AHDC1: variants seen among roughly 807,000 people sequenced by gnomAD.
The protein encoded by AHDC1 is AT-hook DNA binding motif containing 1.
Under a neutral mutation model 87.9 loss-of-function variants are expected in AHDC1, and 7 were observed. The ratio of observed to expected loss-of-function variants is 0.08; its 90% CI spans 0.05 to 0.15. The LOEUF (loss-of-function observed/expected upper bound fraction) is 0.15. Ranked by LOEUF, AHDC1 falls within the 10% of genes least tolerant of loss-of-function variation. AHDC1 has a pLI of 1.00. For synonymous variants in AHDC1, 1,051 were observed against 1,006.8 expected, an observed-to-expected ratio of 1.04 and a Z score of -0.83; for missense variants, 1,841 against 2,253.2, an observed-to-expected ratio of 0.82 and a Z score of 3.70.
chr1:27,582,796 C>A lies in AHDC1; in HGVS notation c.-629+20601G>T, dbSNP rs368084769. 1.7e-3 allele frequency among the ~76,000 whole-genome samples: 263 copies of A among 152,324 alleles called. 3 individuals are homozygous for A. Among genetic ancestry groups the A allele is most frequent in the African/African-American group, 6.0e-3 (248 of 41,570 alleles). On this transcript the variant is annotated intron_variant, in intron 3 of 8. Transcript: ENST00000673934. Reference sequence around the variant, plus strand: ...TTGATGACCCTGTGTTTTGGAGATGCGATGTTCAGTTGACTTGCCCTGTTC... The same window carrying A: ...TTGATGACCCTGTGTTTTGGAGATGAGATGTTCAGTTGACTTGCCCTGTTC...
chr1:27,584,253 T>A (rs954077713), intron 3 of AHDC1, among the ~76,000 whole-genome samples: 1 of 152,156 alleles, frequency 6.6e-6, no homozygotes, highest in Non-Finnish European at 1.5e-5. Context: ...CCTTATCTGC[T>A]CTGATGCCAA....
chr1:27,538,569 C>T (rs2148199034), intron 8 of AHDC1, among the ~76,000 whole-genome samples: 1 of 151,400 alleles, frequency 6.6e-6, no homozygotes, highest in South Asian at 2.1e-4. Context: ...GGCTAGAGTG[C>T]AGTGGCACAA....
chr1:27,566,682 G>C (rs2020333053), intron 3 of AHDC1, among the ~76,000 whole-genome samples: 2 of 134,854 alleles, frequency 1.5e-5, no homozygotes, highest in Non-Finnish European at 3.2e-5. Flanking sequence ...GAGGGGGGTG[G>C]AGGAGGAGGA....
chr1:27,540,882 G>A (rs2018873506), intron 8 of AHDC1, among the ~76,000 whole-genome samples: 1 of 151,836 alleles, frequency 6.6e-6, no homozygotes, highest in Admixed American at 6.6e-5. Flanking sequence ...GAAGGAGGCT[G>A]GAGAGGGAAG....
chr1:27,537,095 G>A (rs551521865), intron 8 of AHDC1, among the ~76,000 whole-genome samples: 2 of 152,318 alleles, frequency 1.3e-5, no homozygotes, highest in Admixed American at 1.3e-4. Context: ...GAATCTTCGG[G>A]ATGGGAAGGA....
chr1:27,588,592 G>A (rs974923729), intron 3 of AHDC1, among the ~76,000 whole-genome samples: 9 of 152,152 alleles, frequency 5.9e-5, no homozygotes, highest in African/African-American at 1.4e-4. Flanking sequence ...TCTGCAGCAG[G>A]CCACACTCTT....
At chr1:27,536,111 C>T (rs2018627971) in intron 8 of AHDC1, among the ~76,000 whole-genome samples, 1 of 152,204 alleles carries the variant, frequency 6.6e-6, no homozygotes, top group African/African-American at 2.4e-5. Context: ...CTCCCCCACA[C>T]CAGCAGGAAT....
chr1:27,599,891 GTC>G (rs147481877), intron 3 of AHDC1, among the ~76,000 whole-genome samples: 15 of 151,528 alleles, frequency 9.9e-5, no homozygotes, highest in African/African-American at 3.1e-4. Context: ...TCCTGTGAGA[GTC>G]TCTCTCTCTC....
intron 8 of AHDC1, among the ~76,000 whole-genome samples, chr1:27,542,963 C>T (rs1402263131): frequency 1.3e-5 from 2 of 152,180 alleles, no homozygotes; most frequent in African/African-American, 4.8e-5. Flanking sequence ...TGGGCCCTGA[C>T]GTAAGGCCTC....
chr1:27,595,756 G>A lies in AHDC1; in HGVS notation c.-629+7641C>T, dbSNP rs370515141. Among the ~76,000 whole-genome samples the A allele has an allele frequency of 1.6e-4, 25 of 151,982 alleles. No individual in the cohort carries two copies. The highest frequency in any genetic ancestry group is 2.1e-4 in the Non-Finnish European group (14 of 67,980). ...AGAGATGTGCCACAGGCTATCGTCC[G>A]TGCATGCACAGGTATGAGGGCTGTA... On this transcript the variant is annotated intron_variant, in intron 3 of 8. Coordinates refer to ENST00000673934, the MANE Select transcript of AHDC1 (RefSeq NM_001371928.1). The surrounding 1 kb of genome is among the most constrained non-coding windows in gnomAD (Gnocchi z 4.0).
chr1:27,571,542 G>A (rs1378618382), intron 3 of AHDC1, among the ~76,000 whole-genome samples: 4 of 152,114 alleles, frequency 2.6e-5, no homozygotes, highest in East Asian at 1.9e-4. Flanking sequence ...CTGGAATCTC[G>A]GGGGTCAGGG....
Position 27,565,331 on chromosome 1 carries a change from G to A in AHDC1, c.-628-6448C>T, listed in dbSNP as rs916091741. ...ACCAGGCCTCACCACACCCAGAGGT[G>A]AGGCCTGACTCCCCTACCCCAGGGC... On this transcript the variant is annotated intron_variant, in intron 3 of 8. Coordinates refer to ENST00000673934, the MANE Select transcript of AHDC1 (RefSeq NM_001371928.1). The surrounding 1 kb of genome is among the most constrained non-coding windows in gnomAD (Gnocchi z 4.6). Among the ~76,000 whole-genome samples, 1 of 152,106 alleles carries A rather than the reference G, an allele frequency of 6.6e-6. No homozygotes were observed. The highest frequency in any genetic ancestry group is 6.5e-5 in the Admixed American group (1 of 15,280).
intron 8 of AHDC1, among the ~76,000 whole-genome samples, chr1:27,539,138 CTTTTTTTTTTTTTTT>C (rs112072152): frequency 8.0e-6 from 1 of 125,374 alleles, no homozygotes; most frequent in Non-Finnish European, 1.7e-5. Flanking sequence ...TTTTTCTTTT[CTTTTTTTTTTTTTTT>C]TTTGGAGATA....
At chr1:27,536,560 G>A (rs1027412947) in intron 8 of AHDC1, among the ~76,000 whole-genome samples, 1 of 152,158 alleles carries the variant, frequency 6.6e-6, no homozygotes, top group Non-Finnish European at 1.5e-5. Flanking sequence ...CAGTCAGGCG[G>A]TAAACAGGCT....
chr1:27,590,018 G>A lies in AHDC1; in HGVS notation c.-629+13379C>T, dbSNP rs1452968341. ...CTCCAGGACATGTGACTGGGCCTTA[G>A]AGGCCTGTCCTGGGCCCCCTGCCCC... On this transcript the variant is annotated intron_variant, in intron 3 of 8. Coordinates refer to ENST00000673934, the MANE Select transcript of AHDC1 (RefSeq NM_001371928.1). The surrounding 1 kb of genome is among the most constrained non-coding windows in gnomAD (Gnocchi z 5.4). 3.3e-5 allele frequency among the ~76,000 whole-genome samples: 5 copies of A among 152,150 alleles called. No individual in the cohort carries two copies. The highest frequency in any genetic ancestry group is 7.4e-5 in the Non-Finnish European group (5 of 68,000).
At chr1:27,539,221 C>G (rs1300285688) in intron 8 of AHDC1, among the ~76,000 whole-genome samples, 2 of 151,156 alleles carry the variant, frequency 1.3e-5, no homozygotes, top group African/African-American at 4.9e-5. Flanking sequence ...GTCACCGCAG[C>G]CTCAAACTCC....
intron 8 of AHDC1, among the ~76,000 whole-genome samples, chr1:27,538,446 T>C (rs1042271960): frequency 6.7e-6 from 1 of 148,926 alleles, no homozygotes; most frequent in African/African-American, 2.5e-5. Flanking sequence ...CATTAGAATT[T>C]GAGAGGCTGA....
chr1:27,588,708 G>T lies in AHDC1; in HGVS notation c.-629+14689C>A, dbSNP rs546752304. On this transcript the variant is annotated intron_variant, in intron 3 of 8. Coordinates refer to ENST00000673934, the MANE Select transcript of AHDC1 (RefSeq NM_001371928.1). ...GGCAAGAAGAGGTGAGGACGCATGT[G>T]TGTGCTGCATTTGTGAATTGGCCTG... Among the ~76,000 whole-genome samples, 7 of 152,342 alleles carry T rather than the reference G, an allele frequency of 4.6e-5. No individual in the cohort carries two copies. The South Asian group carries it at 1.5e-3, about 32-fold the overall frequency.
At chr1:27,545,372 C>T (rs765387090) in intron 8 of AHDC1, among the ~76,000 whole-genome samples, 2 of 152,018 alleles carry the variant, frequency 1.3e-5, no homozygotes, top group Non-Finnish European at 2.9e-5. Flanking sequence ...AACTCACAGC[C>T]CTGAGTGGGG....
Sources: allele counts gnomAD v4.1 joint callset (sites outside exome capture counted in the v4.1 genomes callset), GRCh38; gene constraint gnomAD v4.1.1; non-coding constraint Gnocchi (gnomAD v3.1); transcripts MANE v1.5; gene names NCBI Gene and HGNC (gene_info 2026-07-23, HGNC 2026-07-21).